XPR1: variants seen among roughly 807,000 people sequenced by gnomAD.
XPR1 encodes xenotropic and polytropic retrovirus receptor 1.
Under a neutral mutation model 87.5 loss-of-function variants are expected in XPR1, and 28 were observed. The observed-to-expected ratio is 0.32, with a 90% confidence interval of 0.24 to 0.44. The LOEUF (loss-of-function observed/expected upper bound fraction) is 0.44. Among genes scored for constraint, XPR1 ranks in the 20% least tolerant of loss-of-function variants. The probability of loss-of-function intolerance (pLI) is 1.00; values close to 1 mark genes in which losing one functional copy is unlikely to be tolerated. For synonymous variants in XPR1, 300 were observed against 306.1 expected (o/e 0.98, Z 0.21); for missense variants, 559 against 862.3 (o/e 0.65, Z 4.41).
At chr1:180,655,007 T>G (rs1199111559) in intron 1 of XPR1, among the ~76,000 whole-genome samples, 1 of 152,198 alleles carries the variant, frequency 6.6e-6, no homozygotes, top group Admixed American at 6.5e-5. Context: ...GGAACCACCA[T>G]AGTGTTTTCC....
intron 1 of XPR1, among the ~76,000 whole-genome samples, chr1:180,674,034 A>G (rs1460859673): frequency 1.3e-5 from 2 of 152,230 alleles, no homozygotes; most frequent in African/African-American, 4.8e-5. Flanking sequence ...ATATTCTATT[A>G]GCTAACATTT....
At chr1:180,838,310 G>A (rs1377581180) in intron 11 of XPR1, among the ~76,000 whole-genome samples, 1 of 147,154 alleles carries the variant, frequency 6.8e-6, no homozygotes, top group African/African-American at 2.7e-5. Context: ...GTAGGCTGAG[G>A]AGGAGGAGGA....
chr1:180,851,671 T>G (rs1651874032), intron 11 of XPR1, among the ~76,000 whole-genome samples: 1 of 152,170 alleles, frequency 6.6e-6, no homozygotes, highest in South Asian at 2.1e-4. Context: ...AGAAAGGGAT[T>G]TTTAAAAATA....
chr1:180,856,801 G>T (rs1652046877), intron 11 of XPR1, among the ~76,000 whole-genome samples: 1 of 152,128 alleles, frequency 6.6e-6, no homozygotes, highest in Non-Finnish European at 1.5e-5. Flanking sequence ...TCACTGGGCT[G>T]TTGCCACAGC....
chr1:180,827,701 ATT>A (rs1352325603), intron 9 of XPR1, among the ~76,000 whole-genome samples: 4 of 152,076 alleles, frequency 2.6e-5, no homozygotes, highest in Admixed American at 2.6e-4. Context: ...TTTGTAGATA[ATT>A]TTAGTATTAA....
intron 2 of XPR1, among the ~76,000 whole-genome samples, chr1:180,727,787 G>A (rs189237622): frequency 1.1e-4 from 16 of 152,288 alleles, no homozygotes; most frequent in African/African-American, 3.4e-4. Flanking sequence ...AACAAGGGGT[G>A]GATTATTCAT....
chr1:180,835,496 A>ACCCC (rs111339401), intron 10 of XPR1, among the ~76,000 whole-genome samples: 24 of 150,404 alleles, frequency 1.6e-4, no homozygotes, highest in Admixed American at 4.6e-4. Flanking sequence ...CCGTTTTCGC[A>ACCCC]CCCCCCCCTT....
Position 180,884,060 on chromosome 1 carries a change from C to A in XPR1, c.2085C>A (p.Asn695Lys). The change falls in exon 15 of 15, where the codon AAC becomes AAA. Residue 695 changes from asparagine (N) to lysine (K), a missense_variant. This residue lies in a region of XPR1 where 80 missense variants were observed against 99.5 expected (regional missense o/e 0.80). Transcript: ENST00000367590. ...TAGAAGACACAGATGATGAAGCTAA[C>A]ACTTGAATTTTCTGAAGTCTAGCTT... ...VLIEDTDDEA[N>K]T 1 of 1,613,850 alleles carries A rather than the reference C, an allele frequency of 6.2e-7. No individual in the cohort carries two copies. The highest frequency in any genetic ancestry group is 1.1e-5 in the South Asian group (1 of 91,048).
chr1:180,787,538 C>G (rs759820176), intron 2 of XPR1, among the ~76,000 whole-genome samples: 2 of 152,070 alleles, frequency 1.3e-5, no homozygotes, highest in Admixed American at 6.6e-5. Context: ...CTCGGCCTCC[C>G]GAAGTACTGG....
At chr1:180,811,984 A>G (rs1294282753) in intron 7 of XPR1, among the ~76,000 whole-genome samples, 1 of 152,178 alleles carries the variant, frequency 6.6e-6, no homozygotes, top group Non-Finnish European at 1.5e-5. Context: ...AAGAGATAGG[A>G]AGGATTCCTA....
At chr1:180,725,466 C>T (rs1658306768) in intron 2 of XPR1, among the ~76,000 whole-genome samples, 1 of 152,150 alleles carries the variant, frequency 6.6e-6, no homozygotes, top group East Asian at 1.9e-4. Context: ...AAAGCCCCAT[C>T]TCTATCCATT....
chr1:180,759,716 A>T (rs1647921930), intron 2 of XPR1, among the ~76,000 whole-genome samples: 1 of 152,302 alleles, frequency 6.6e-6, no homozygotes, highest in African/African-American at 2.4e-5. Flanking sequence ...TTCCTTCTGA[A>T]ACTATTCCAA....
At chr1:180,829,263 T>G (rs570885920) in intron 9 of XPR1, among the ~76,000 whole-genome samples, 34 of 152,194 alleles carry the variant, frequency 2.2e-4, no homozygotes, top group Non-Finnish European at 4.4e-4. Context: ...TTAGTGGCTT[T>G]TTTGTGTAGG....
At chr1:180,634,764 A>G (rs1380670749) in intron 1 of XPR1, among the ~76,000 whole-genome samples, 1 of 152,006 alleles carries the variant, frequency 6.6e-6, no homozygotes, top group Admixed American at 6.6e-5. Context: ...TCATTTTGCT[A>G]TATTAAATAT....
At chr1:180,772,342 C>T (rs532079988) in intron 2 of XPR1, among the ~76,000 whole-genome samples, 101 of 152,278 alleles carry the variant, frequency 6.6e-4, no homozygotes, top group African/African-American at 2.2e-3. Context: ...AAATCAACTT[C>T]GTCTCCTAAG....
At chr1:180,677,468 A>G (rs1656406438) in intron 1 of XPR1, among the ~76,000 whole-genome samples, 1 of 152,054 alleles carries the variant, frequency 6.6e-6, no homozygotes, top group Admixed American at 6.6e-5. Context: ...TTGGTGCTGA[A>G]TCAGTTCCTG....
chr1:180,688,267 G>T (rs1656858224), intron 2 of XPR1, among the ~76,000 whole-genome samples: 2 of 150,558 alleles, frequency 1.3e-5, no homozygotes, highest in Admixed American at 6.6e-5. Flanking sequence ...TAACCTGCCT[G>T]GCCAACATGG....
intron 4 of XPR1, among the ~76,000 whole-genome samples, chr1:180,804,000 T>G (rs1417679327): frequency 6.6e-6 from 1 of 152,018 alleles, no homozygotes; most frequent in African/African-American, 2.4e-5. Flanking sequence ...TTTTTTTCTT[T>G]TTTGAAACAG....
At chr1:180,847,857 A>G (rs979904413) in intron 11 of XPR1, among the ~76,000 whole-genome samples, 1 of 152,194 alleles carries the variant, frequency 6.6e-6, no homozygotes, top group Non-Finnish European at 1.5e-5. Flanking sequence ...GAAGTGTCAG[A>G]CCACAGTTTT....
Sources: gnomAD v4.1 joint callset for allele counts (sites outside exome capture counted in the v4.1 genomes callset) on GRCh38, gnomAD v4.1.1 for gene constraint, gnomAD v4.1.1 regional missense constraint, MANE v1.5 for transcripts, NCBI Gene and HGNC (gene_info 2026-07-23, HGNC 2026-07-21) for gene names.